Variants in SLC17A3 observed in about 807,000 individuals in gnomAD.
SLC17A3 encodes sodium-dependent phosphate transport protein 4.
SLC17A3 carries 61 observed loss-of-function variants against 60.3 expected under a neutral mutation model. That is an observed-to-expected ratio of 1.01 (90% CI 0.82 to 1.25). SLC17A3 has a LOEUF of 1.25. Among genes scored for constraint, SLC17A3 ranks in the 50% most tolerant of loss-of-function variants. The pLI is 0.00. For missense variants in SLC17A3, 624 were observed against 594.9 expected, an observed-to-expected ratio of 1.05 and a Z score of -0.51; for synonymous variants, 192 against 208.9, an observed-to-expected ratio of 0.92 and a Z score of 0.70.
At chr6:25,862,540 G>A (rs970734306) in intron 2 of SLC17A3, 96 bp from the exon 3 acceptor site, 11 of 973,328 alleles carry the variant, frequency 1.1e-5, no homozygotes, top group African/African-American at 8.1e-5. Context: ...ATCACTTAAC[G>A]ATTTAAATCA....
At chr6:25,867,491 A>G (rs1765555864) in intron 2 of SLC17A3, among the ~76,000 whole-genome samples, 1 of 152,026 alleles carries the variant, frequency 6.6e-6, no homozygotes, top group African/African-American at 2.4e-5. Flanking sequence ...CCCTGAAGAA[A>G]TAATTCCAAT....
intron 9 of SLC17A3, 31 bp downstream of exon 9, chr6:25,850,017 A>G (rs763190898): frequency 1.9e-5 from 31 of 1,613,884 alleles, no homozygotes; most frequent in Non-Finnish European, 2.6e-5. Flanking sequence ...TATGCTACGC[A>G]AATTATCTGA....
At position 25,868,253 on chromosome 6, in the gene SLC17A3, T is replaced by G. The variant is rs1765570479; in HGVS notation, c.91+44A>C. 1.5e-6 allele frequency: 2 copies of G among 1,351,214 alleles called. 1 individual carries two copies. The highest frequency in any genetic ancestry group is 2.3e-5 in the South Asian group (2 of 85,552). The allele number at this position is 1,351,214 out of a possible 1,614,324, so 83.7% of individuals were successfully genotyped here. On this transcript the variant is annotated intron_variant, in intron 2 of 12. Coordinates refer to ENST00000397060, the MANE Select transcript of SLC17A3 (RefSeq NM_001098486.2). ...TATAGTAATACGTTGACAAAAAGAA[T>G]TCACTGTAAAATCCTAAAACCAAGC...
intron 2 of SLC17A3, among the ~76,000 whole-genome samples, chr6:25,863,889 G>A (rs1380829893): frequency 2.6e-5 from 4 of 152,088 alleles, no homozygotes; most frequent in Non-Finnish European, 5.9e-5. Flanking sequence ...TTGGGCCCTA[G>A]AAGTGTAGCA....
At chr6:25,849,727 A>G in intron 10 of SLC17A3, 78 bp downstream of exon 10, 1 of 1,512,116 alleles carries the variant, frequency 6.6e-7, no homozygotes, top group Non-Finnish European at 9.2e-7. Flanking sequence ...TCATTTCCTA[A>G]GTTTGGGGAT....
chr6:25,850,224 C>T, intron 8 of SLC17A3, 47 bp from the exon 9 acceptor site: 1 of 1,585,890 alleles, frequency 6.3e-7, no homozygotes, highest in East Asian at 2.3e-5. Context: ...GGCAGTGAGA[C>T]CACAACTTTT....
chr6:25,850,823 G>C lies in SLC17A3; in HGVS notation c.767C>G (p.Pro256Arg), dbSNP rs756262762. ...GGTGCTTATCCATGGATAGGAAACG[G>C]GGTCATCATAAATCACAACAAACCA... The part of the protein sequence containing the change: ...LLWFVVIYDD[P>R]VSYPWISTSE... Residue 256 changes from proline to arginine, a missense_variant, in exon 7 of 13, where the codon CCC (proline) becomes CGC (arginine). By Grantham distance (103) the Pro-to-Arg change is moderately radical (BLOSUM62 -2). Transcript: ENST00000397060. 9 of 1,613,916 alleles carry C rather than the reference G, an allele frequency of 5.6e-6. No individual in the cohort carries two copies. Among genetic ancestry groups the C allele is most frequent in the Non-Finnish European group, 7.6e-6 (9 of 1,179,940 alleles).
At chr6:25,850,932 C>T (rs1765266756) in intron 6 of SLC17A3, 55 bp from the exon 7 acceptor site, 2 of 1,250,274 alleles carry the variant, frequency 1.6e-6, no homozygotes. Flanking sequence ...TTTGGGTGAA[C>T]TTCTTTTATG....
At chr6:25,871,613 T>C (rs906344115) in intron 1 of SLC17A3, among the ~76,000 whole-genome samples, 1 of 151,822 alleles carries the variant, frequency 6.6e-6, no homozygotes, top group Non-Finnish European at 1.5e-5. Flanking sequence ...ATTGTGCACA[T>C]GTACCCTAAA....
At chr6:25,870,961 ACATGTTTGAATACGCCC>A (rs1235874791) in intron 1 of SLC17A3, among the ~76,000 whole-genome samples, 3 of 152,040 alleles carry the variant, frequency 2.0e-5, no homozygotes, top group African/African-American at 7.2e-5. Flanking sequence ...AATGATGTCC[ACATGTTTGAATACGCCC>A]CATGTTAGCA....
chr6:25,850,120 C>G lies in SLC17A3; in HGVS notation c.1051G>C (p.Gly351Arg). Residue 351 changes from glycine to arginine, a missense_variant, in exon 9 of 13, where the codon GGC becomes CGC. Coordinates refer to ENST00000397060, the MANE Select transcript of SLC17A3 (RefSeq NM_001098486.2). ...GTTAGAAGGAAATCTGCCAGATAGC[C>G]TCCCACCATGCCTATGACCCAGGCA... ...IVAWVIGMVGGYLADFLLTKK... is the reference protein window; with the variant it reads ...IVAWVIGMVGRYLADFLLTKK... 6.2e-7 allele frequency: 1 copy of G among 1,613,768 alleles called. No homozygotes were observed. Among genetic ancestry groups the G allele is most frequent in the Middle Eastern group, 1.6e-4 (1 of 6,062 alleles).
At chr6:25,870,505 C>T (rs767608246) in intron 1 of SLC17A3, among the ~76,000 whole-genome samples, 8 of 151,964 alleles carry the variant, frequency 5.3e-5, no homozygotes, top group Non-Finnish European at 1.2e-4. Flanking sequence ...TGGATTGGAA[C>T]ATTCTAAAAT....
intron 1 of SLC17A3, among the ~76,000 whole-genome samples, chr6:25,870,334 G>T (rs1765621289): frequency 6.6e-6 from 1 of 151,942 alleles, no homozygotes; most frequent in Non-Finnish European, 1.5e-5. Context: ...AACCTGCATT[G>T]TTTTGTGCTA....
chr6:25,868,412 G>C lies in SLC17A3; in HGVS notation c.-25C>G, dbSNP rs749206427. ...TTGTGTTTCTCCTCTCCTAGTGAAT[G>C]GTTTTCACCTATCAGGGAGATATGT... On this transcript the variant is annotated 5_prime_UTR_variant, in exon 2 of 13. Transcript: ENST00000397060. 32 of 1,567,606 alleles carry C rather than the reference G, an allele frequency of 2.0e-5. 1 individual carries two copies. The South Asian group carries it at 3.6e-4, about 17-fold the overall frequency.
chr6:25,868,016 C>T (rs1400709272), intron 2 of SLC17A3, among the ~76,000 whole-genome samples: 2 of 151,448 alleles, frequency 1.3e-5, no homozygotes, highest in African/African-American at 2.4e-5. Context: ...ATATTACATG[C>T]AATCACAAGC....
intron 5 of SLC17A3, among the ~76,000 whole-genome samples, chr6:25,857,279 A>G (rs760320620): frequency 6.7e-6 from 1 of 150,294 alleles, no homozygotes; most frequent in Non-Finnish European, 1.5e-5. Context: ...ATCTTTAACT[A>G]TTATTTTTTA....
intron 2 of SLC17A3, among the ~76,000 whole-genome samples, chr6:25,863,559 G>C (rs534606039): frequency 6.6e-6 from 1 of 152,102 alleles, no homozygotes; most frequent in South Asian, 2.1e-4. Context: ...AATAAATGGA[G>C]CATGTGTACC....
intron 6 of SLC17A3, among the ~76,000 whole-genome samples, 153 bp downstream of exon 6, chr6:25,854,991 C>T (rs1182277224): frequency 6.6e-6 from 1 of 152,174 alleles, no homozygotes; most frequent in Admixed American, 6.6e-5. Flanking sequence ...TTTTTTATGG[C>T]ATTGACTAAT....
rs942379 is a variant in SLC17A3, at chr6:25,849,392, A to T, written c.1344T>A (p.Ser448Arg). Residue 448 changes from serine (S) to arginine (R), a missense_variant, in exon 11 of 13, where the codon AGT becomes AGA. Coordinates refer to ENST00000397060, the MANE Select transcript of SLC17A3 (RefSeq NM_001098486.2). ...ATTGTACCTGACTAAGAAGAAATCC[A>T]CTGACAGTGGGTACAATGACAGGTG... ...SIAPVIVPTV[S>R]GFLLSQDPEF... 2 of 1,607,540 alleles carry T rather than the reference A, an allele frequency of 1.2e-6. No homozygotes were observed. The highest frequency in any genetic ancestry group is 1.7e-5 in the Admixed American group (1 of 59,962).
Sources: allele counts gnomAD v4.1 joint callset (sites outside exome capture counted in the v4.1 genomes callset), GRCh38; gene constraint gnomAD v4.1.1; transcripts MANE v1.5; gene names NCBI Gene and HGNC (gene_info 2026-07-23, HGNC 2026-07-21).